KIF13B: variants seen among roughly 807,000 people sequenced by gnomAD.
KIF13B encodes kinesin family member 13B.
KIF13B carries 127 observed loss-of-function variants against 222.0 expected under a neutral mutation model. That is an observed-to-expected ratio of 0.57 (90% CI 0.50 to 0.66). KIF13B has a LOEUF of 0.66. Among genes scored for constraint, KIF13B ranks in the 30% least tolerant of loss-of-function variants. The pLI is 0.00. For synonymous variants in KIF13B, 976 were observed against 919.0 expected, an observed-to-expected ratio of 1.06 and a Z score of -1.12; for missense variants, 2,173 against 2,379.0, an observed-to-expected ratio of 0.91 and a Z score of 1.80.
chr8:29,074,720 C>A (rs1399058224), intron 38 of KIF13B, among the ~76,000 whole-genome samples: 1 of 152,202 alleles, frequency 6.6e-6, no homozygotes, highest in Admixed American at 6.5e-5. Flanking sequence ...AGTAAATTCA[C>A]GGAGATCTGA....
chr8:29,217,160 G>T (rs993330783), intron 2 of KIF13B, among the ~76,000 whole-genome samples: 3 of 152,164 alleles, frequency 2.0e-5, no homozygotes, highest in African/African-American at 4.8e-5. Context: ...GTACACACAG[G>T]CTGTGCTCCC....
intron 1 of KIF13B, among the ~76,000 whole-genome samples, chr8:29,249,602 A>C (rs1816193556): frequency 2.0e-5 from 3 of 152,186 alleles, no homozygotes; most frequent in Admixed American, 1.3e-4. Context: ...TTTAACTCAC[A>C]TAATTAAGCC....
intron 26 of KIF13B, among the ~76,000 whole-genome samples, chr8:29,124,870 C>T (rs1810037276): frequency 7.3e-6 from 1 of 136,476 alleles, no homozygotes; most frequent in Admixed American, 7.5e-5. Context: ...GCAACAAGAA[C>T]AAAACTCCAT....
At chr8:29,194,818 C>A (rs1813346290) in intron 3 of KIF13B, among the ~76,000 whole-genome samples, 1 of 152,152 alleles carries the variant, frequency 6.6e-6, no homozygotes, top group Non-Finnish European at 1.5e-5. Flanking sequence ...AGGTGTTTAA[C>A]CTCCCATGTA....
chr8:29,221,420 G>A lies in KIF13B; in HGVS notation c.149+23926C>T, dbSNP rs184562495. Among the ~76,000 whole-genome samples the A allele has an allele frequency of 3.5e-3, 522 of 149,846 alleles. 6 individuals are homozygous for A. Among genetic ancestry groups the A allele is most frequent in the African/African-American group, 0.012 (494 of 40,730 alleles). ...ACCCGACCTGCAGTGAGCTGTGATC[G>A]TGCCACTGCACTCCAGCTTGGGCAA... On this transcript the variant is annotated intron_variant, in intron 2 of 39. Transcript: ENST00000524189.
chr8:29,222,515 C>A (rs199629895), intron 2 of KIF13B, among the ~76,000 whole-genome samples: 2 of 60,568 alleles, frequency 3.3e-5, no homozygotes, highest in African/African-American at 1.5e-4. Flanking sequence ...CCACACCTGA[C>A]TTTTTTTTTT....
At chr8:29,224,882 A>C (rs1374985089) in intron 2 of KIF13B, among the ~76,000 whole-genome samples, 5 of 152,248 alleles carry the variant, frequency 3.3e-5, no homozygotes, top group African/African-American at 1.2e-4. Flanking sequence ...ACTTCTGTAC[A>C]AATGAATACA....
chr8:29,197,535 C>T (rs1331952746), intron 2 of KIF13B, among the ~76,000 whole-genome samples: 4 of 152,000 alleles, frequency 2.6e-5, no homozygotes, highest in Non-Finnish European at 5.9e-5. Flanking sequence ...TGAATAAATA[C>T]ACACATACAC....
chr8:29,105,603 T>C lies in KIF13B; in HGVS notation c.4215+2536A>G, dbSNP rs1229335120. On this transcript the variant is annotated intron_variant, in intron 35 of 39. Coordinates refer to ENST00000524189, the MANE Select transcript of KIF13B (RefSeq NM_015254.4). ...CTTTGAAGTAGATTCTATTATTTTCTGTTATTGTATCCATTTAAAATAAGG... is the reference window on the plus strand; with the variant it reads ...CTTTGAAGTAGATTCTATTATTTTCCGTTATTGTATCCATTTAAAATAAGG... Among the ~76,000 whole-genome samples, 4 of 152,092 alleles carry C rather than the reference T, an allele frequency of 2.6e-5. No homozygotes were observed. In the East Asian group the frequency reaches 7.7e-4, roughly 29 times the overall value.
intron 1 of KIF13B, among the ~76,000 whole-genome samples, chr8:29,257,185 T>G (rs942832652): frequency 6.6e-6 from 1 of 152,234 alleles, no homozygotes; most frequent in African/African-American, 2.4e-5. Context: ...ACTGTTGAAA[T>G]GAATGACTAA....
chr8:29,092,790 G>T lies in KIF13B; in HGVS notation c.4413C>A (p.Val1471=), dbSNP rs765436495. The T allele has an allele frequency of 6.2e-7, 1 of 1,613,592 alleles. No homozygotes were observed. ...GCCGCTTGCCCCTCTTCTCATCGCG[G>T]ACGGGAAAGAGAGACTTGAGGAGCT... ...MPKLLKSLFP[V]RDEKRGKRPS... Residue 1471 remains valine (V), a synonymous_variant, in exon 37 of 40, where the codon GTC becomes GTA. Transcript: ENST00000524189.
intron 19 of KIF13B, chr8:29,140,825 A>C: frequency 2.1e-6 from 1 of 477,284 alleles, no homozygotes; most frequent in Admixed American, 3.7e-5. Flanking sequence ...CCCATTCACA[A>C]TGGAGGTGAG....
chr8:29,109,879 G>T, intron 33 of KIF13B, 39 bp downstream of exon 33: 1 of 1,604,622 alleles, frequency 6.2e-7, no homozygotes, highest in Non-Finnish European at 8.5e-7. Context: ...GCCTGCATCA[G>T]GGCCTCTGCT....
chr8:29,168,739 C>A (rs1812113871), intron 10 of KIF13B, among the ~76,000 whole-genome samples: 1 of 152,168 alleles, frequency 6.6e-6, no homozygotes, highest in Admixed American at 6.5e-5. Flanking sequence ...GGCAGCCCCC[C>A]ATCCCCAACA....
intron 1 of KIF13B, among the ~76,000 whole-genome samples, chr8:29,256,287 G>C (rs1245594948): frequency 6.6e-6 from 1 of 152,212 alleles, no homozygotes; most frequent in Non-Finnish European, 1.5e-5. Context: ...ATCTAAATCA[G>C]AGACTTTGCA....
chr8:29,229,177 CAAT>C (rs1356832116), intron 2 of KIF13B, among the ~76,000 whole-genome samples: 1 of 145,916 alleles, frequency 6.9e-6, no homozygotes, highest in African/African-American at 2.5e-5. Flanking sequence ...AGATGTCAAT[CAAT>C]AACTGCTGAA....
At chr8:29,211,174 G>T (rs1814204871) in intron 2 of KIF13B, among the ~76,000 whole-genome samples, 1 of 152,242 alleles carries the variant, frequency 6.6e-6, no homozygotes, top group African/African-American at 2.4e-5. Context: ...CCATTTGCTG[G>T]TAAGAACCTC....
chr8:29,130,811 C>A lies in KIF13B; in HGVS notation c.2943-146G>T, dbSNP rs923668002. On this transcript the variant is annotated intron_variant, in intron 23 of 39. Coordinates refer to ENST00000524189, the MANE Select transcript of KIF13B (RefSeq NM_015254.4). ...GATCTGTAGTTCAGTGAATACCATG[C>A]ATGTACATACTGGCAAGAATAATGG... The A allele has an allele frequency of 6.1e-6, 4 of 659,900 alleles. No individual in the cohort carries two copies. In the Admixed American group the frequency reaches 1.2e-4, roughly 19 times the overall value. The allele number at this position is 659,900 out of a possible 1,614,324, so 40.9% of individuals were successfully genotyped here.
chr8:29,132,603 T>G (rs570025019), intron 22 of KIF13B, 138 bp from the exon 23 acceptor site: 1 of 497,686 alleles, frequency 2.0e-6, no homozygotes, highest in South Asian at 9.1e-5. Flanking sequence ...AGAACTATCA[T>G]CTAAAACCCA....
Sources: allele counts gnomAD v4.1 joint callset (sites outside exome capture counted in the v4.1 genomes callset), GRCh38; gene constraint gnomAD v4.1.1; transcripts MANE v1.5; gene names NCBI Gene and HGNC (gene_info 2026-07-23, HGNC 2026-07-21).